MGMT: variants seen among roughly 807,000 people sequenced by gnomAD.
The protein encoded by MGMT is O-6-methylguanine-DNA methyltransferase.
MGMT carries 14 observed loss-of-function variants against 15.9 expected under a neutral mutation model. The observed-to-expected ratio is 0.88, with a 90% CI of 0.58 to 1.37. The LOEUF (loss-of-function observed/expected upper bound fraction) is 1.37. Ranked by LOEUF, MGMT falls within the 40% of genes most tolerant of loss-of-function variation. The pLI, the probability that MGMT is intolerant of heterozygous loss-of-function variation, is 0.00. For missense variants in MGMT, 282 were observed against 268.1 expected (o/e 1.05, Z -0.36); for synonymous variants, 130 against 118.2 (o/e 1.10, Z -0.65).
At chr10:129,565,292 TAA>T (rs11429171) in intron 2 of MGMT, among the ~76,000 whole-genome samples, 6 of 136,186 alleles carry the variant, frequency 4.4e-5, no homozygotes, top group Non-Finnish European at 3.2e-5. Context: ...TAAAAGACAG[TAA>T]AAAAAAAAAA....
intron 2 of MGMT, among the ~76,000 whole-genome samples, chr10:129,703,605 T>C (rs1166375012): frequency 6.6e-6 from 1 of 152,004 alleles, no homozygotes. Flanking sequence ...CACATCCCAG[T>C]CTTACCCGGG....
At chr10:129,728,200 A>T (rs1848455129) in intron 3 of MGMT, among the ~76,000 whole-genome samples, 1 of 152,180 alleles carries the variant, frequency 6.6e-6, no homozygotes, top group Non-Finnish European at 1.5e-5. Flanking sequence ...ATGGCAGGGA[A>T]AAGAAGAAGA....
At chr10:129,600,357 C>G (rs1180687808) in intron 2 of MGMT, among the ~76,000 whole-genome samples, 1 of 152,172 alleles carries the variant, frequency 6.6e-6, no homozygotes, top group Non-Finnish European at 1.5e-5. Flanking sequence ...GGAAAATAAA[C>G]CAAGAGATTC....
At chr10:129,539,050 C>T (rs1232312111) in intron 2 of MGMT, among the ~76,000 whole-genome samples, 2 of 152,176 alleles carry the variant, frequency 1.3e-5, no homozygotes, top group Admixed American at 6.5e-5. Flanking sequence ...GATTTTCTCA[C>T]AAGTTGGAGG....
intron 2 of MGMT, among the ~76,000 whole-genome samples, chr10:129,570,698 G>GA (rs1187154235): frequency 1.3e-5 from 2 of 152,140 alleles, no homozygotes; most frequent in African/African-American, 2.4e-5. Context: ...AATTTTGACT[G>GA]AAAAAAATTG....
At chr10:129,511,330 G>A (rs1267043766) in intron 1 of MGMT, among the ~76,000 whole-genome samples, 8 of 149,012 alleles carry the variant, frequency 5.4e-5, no homozygotes, top group East Asian at 2.0e-4. Flanking sequence ...TGAGAACCCC[G>A]TATACCATCT....
At chr10:129,701,064 G>C (rs1454146919) in intron 2 of MGMT, 3 of 152,196 alleles carry the variant, frequency 2.0e-5, no homozygotes. Context: ...GGAAAATGTT[G>C]CTCATCACCT....
chr10:129,548,334 A>G (rs190492736), intron 2 of MGMT, among the ~76,000 whole-genome samples: 291 of 152,340 alleles, frequency 1.9e-3, no homozygotes, highest in African/African-American at 6.7e-3. Context: ...GAAACTGTTT[A>G]TCATTCTTCT....
chr10:129,752,481 T>A (rs1241647105), intron 3 of MGMT, among the ~76,000 whole-genome samples: 1 of 152,060 alleles, frequency 6.6e-6, no homozygotes, highest in Non-Finnish European at 1.5e-5. Flanking sequence ...TTAATGTAAT[T>A]ATTAATGTTT....
chr10:129,700,284 A>G (rs2133134988), intron 2 of MGMT: 1 of 152,336 alleles, frequency 6.6e-6, no homozygotes, highest in South Asian at 2.1e-4. Context: ...TATTACTAAC[A>G]TCAGCACTTT....
At chr10:129,686,107 C>G (rs1003697855) in intron 2 of MGMT, among the ~76,000 whole-genome samples, 2 of 152,106 alleles carry the variant, frequency 1.3e-5, no homozygotes, top group Non-Finnish European at 2.9e-5. Flanking sequence ...TAAATCTCTT[C>G]TGAGAAAATT....
chr10:129,607,951 C>T (rs1403020843), intron 2 of MGMT, among the ~76,000 whole-genome samples: 2 of 152,188 alleles, frequency 1.3e-5, no homozygotes, highest in East Asian at 3.8e-4. Context: ...GTTGCCAAAT[C>T]ATGACTCCCT....
chr10:129,476,760 CG>C (rs1459876025), intron 1 of MGMT, among the ~76,000 whole-genome samples: 1 of 152,026 alleles, frequency 6.6e-6, no homozygotes, highest in African/African-American at 2.4e-5. Flanking sequence ...TACAAGGGGC[CG>C]GGGACCCTCC....
chr10:129,727,880 G>A (rs1376352245), intron 3 of MGMT, among the ~76,000 whole-genome samples: 1 of 152,224 alleles, frequency 6.6e-6, no homozygotes, highest in Admixed American at 6.5e-5. Flanking sequence ...CTTTGAGGTA[G>A]ATGGGATTTG....
rs75453381 is a variant in MGMT, at chr10:129,665,373, C to T, written c.126-42522C>T. Among the ~76,000 whole-genome samples, 8 of 151,552 alleles carry T rather than the reference C, an allele frequency of 5.3e-5. No individual in the cohort carries two copies. The East Asian group carries it at 1.2e-3, about 22-fold the overall frequency. On this transcript the variant is annotated intron_variant, in intron 2 of 4. Transcript: ENST00000651593. ...CTCCCCAAGCCTTAAACAGCCATTCCCTCACTTGGAGAACTGAGTAAGTAG... is the reference window on the plus strand; with the variant it reads ...CTCCCCAAGCCTTAAACAGCCATTCTCTCACTTGGAGAACTGAGTAAGTAG...
At chr10:129,633,217 T>C (rs983961624) in intron 2 of MGMT, among the ~76,000 whole-genome samples, 1 of 152,214 alleles carries the variant, frequency 6.6e-6, no homozygotes, top group Admixed American at 6.5e-5. Context: ...AAAAACGTTA[T>C]ACCTTGCAGC....
Position 129,766,882 on chromosome 10 carries a change from C to G in MGMT, c.509C>G (p.Ala170Gly). ...GGLAVKEWLL[A>G]HEGHRLGKPG... ...CTGGCCGTGAAGGAATGGCTTCTGG[C>G]CCATGAAGGCCACCGGTTGGGGAAG... The change falls in exon 5 of 5, where the codon GCC becomes GGC. Residue 170 changes from alanine (A) to glycine (G), a missense_variant. By Grantham distance (60) the Ala-to-Gly change is moderately conservative. Transcript: ENST00000651593. The G allele has an allele frequency of 1.2e-6, 2 of 1,613,568 alleles. No homozygotes were observed. The highest frequency in any genetic ancestry group is 1.7e-6 in the Non-Finnish European group (2 of 1,180,020).
At chr10:129,518,373 C>CAT (rs1845764283) in intron 1 of MGMT, among the ~76,000 whole-genome samples, 1 of 149,784 alleles carries the variant, frequency 6.7e-6, no homozygotes, top group Non-Finnish European at 1.5e-5. Context: ...CACACACACA[C>CAT]ATTTGGCCCT....
At chr10:129,664,727 A>G (rs1847637942) in intron 2 of MGMT, among the ~76,000 whole-genome samples, 1 of 152,228 alleles carries the variant, frequency 6.6e-6, no homozygotes, top group South Asian at 2.1e-4. Flanking sequence ...GAGAAGGAAG[A>G]ATACAAAATG....
Sources: allele counts gnomAD v4.1 joint callset (sites outside exome capture counted in the v4.1 genomes callset), GRCh38; gene constraint gnomAD v4.1.1; transcripts MANE v1.5; gene names NCBI Gene and HGNC (gene_info 2026-07-23, HGNC 2026-07-21).